CYP7A1: variants seen among roughly 807,000 people sequenced by gnomAD.
CYP7A1 encodes cytochrome P450 family 7 subfamily A member 1.
CYP7A1 carries 28 observed loss-of-function variants against 43.8 expected under a neutral mutation model. That is an observed-to-expected ratio of 0.64 (90% confidence interval 0.47 to 0.88). The LOEUF is 0.88. Among genes scored for constraint, CYP7A1 ranks in the 40% least tolerant of loss-of-function variants. The pLI is 0.00. For synonymous variants in CYP7A1, 227 were observed against 222.5 expected, an observed-to-expected ratio of 1.02 and a Z score of -0.18; for missense variants, 637 against 611.9, an observed-to-expected ratio of 1.04 and a Z score of -0.43.
intron 5 of CYP7A1, 57 bp from the exon 6 acceptor site, chr8:58,491,831 C>A: frequency 7.0e-7 from 1 of 1,421,526 alleles, no homozygotes; most frequent in South Asian, 1.2e-5. Context: ...AAATTTATCT[C>A]TTTCTAAACC....
Position 58,494,635 on chromosome 8 carries a change from T to C in CYP7A1, c.910A>G (p.Asn304Asp). 6.2e-7 allele frequency: 1 copy of C among 1,613,874 alleles called. No individual in the cohort carries two copies. Among genetic ancestry groups the C allele is most frequent in the Non-Finnish European group, 8.5e-7 (1 of 1,179,918 alleles). The part of the protein sequence containing the change: ...TFWSLFQMIR[N>D]PEAMKAATEE... ...GTAGCTGCTTTCATTGCTTCTGGGT[T>C]CCTATTAAAAGGTAAGAGAAAACAT... Residue 304 changes from asparagine (N) to aspartate (D), a missense_variant and splice_region_variant, in exon 4 of 6, where the codon AAC (asparagine) becomes GAC (aspartate). Asn to Asp is a conservative substitution (Grantham distance 23). Coordinates refer to ENST00000301645, the MANE Select transcript of CYP7A1 (RefSeq NM_000780.4).
intron 5 of CYP7A1, 146 bp downstream of exon 5, chr8:58,492,207 C>T: frequency 1.2e-6 from 1 of 816,294 alleles, no homozygotes; most frequent in African/African-American, 1.7e-5. Context: ...TCTAAATTTT[C>T]CAAAATATAT....
chr8:58,494,198 G>A (rs1303638479), intron 4 of CYP7A1, among the ~76,000 whole-genome samples: 1 of 152,036 alleles, frequency 6.6e-6, no homozygotes, highest in Non-Finnish European at 1.5e-5. Context: ...TCAGATTAGT[G>A]GTAAGAGGAA....
Position 58,497,046 on chromosome 8 carries a change from G to C in CYP7A1, c.466C>G (p.Pro156Ala). 6.2e-7 allele frequency: 1 copy of C among 1,607,330 alleles called. No individual in the cohort carries two copies. Among genetic ancestry groups the C allele is most frequent in the Non-Finnish European group, 8.5e-7 (1 of 1,179,974 alleles). Residue 156 changes from proline to alanine, a missense_variant, in exon 3 of 6, where the codon CCA becomes GCA. By Grantham distance (27) the Pro-to-Ala change is conservative. Coordinates refer to ENST00000301645, the MANE Select transcript of CYP7A1 (RefSeq NM_000780.4). ...MENLQRIMRP[P>A]VSSNSKTAAW... ...GCGGTCTTTGAGTTAGAGGAGACTG[G>C]AGGTCTCATGATACGTTGGAGGTTT...
intron 4 of CYP7A1, among the ~76,000 whole-genome samples, chr8:58,493,630 GC>G (rs1297758668): frequency 6.6e-6 from 1 of 152,290 alleles, no homozygotes; most frequent in Admixed American, 6.5e-5. Context: ...TCCCAAGTCA[GC>G]CCCAGCATGG....
At chr8:58,492,328 T>C in intron 5 of CYP7A1, 25 bp downstream of exon 5, 2 of 1,585,904 alleles carry the variant, frequency 1.3e-6, no homozygotes, top group Middle Eastern at 3.3e-4. Flanking sequence ...ACCTGGATAT[T>C]GAATTTCAAT....
chr8:58,498,175 C>A, intron 2 of CYP7A1, 54 bp downstream of exon 2: 4 of 1,601,416 alleles, frequency 2.5e-6, no homozygotes, highest in Non-Finnish European at 3.4e-6. Flanking sequence ...AATAGACAAG[C>A]ACATAAAAAG....
At chr8:58,496,029 C>A (rs972597990) in intron 3 of CYP7A1, among the ~76,000 whole-genome samples, 8 of 152,070 alleles carry the variant, frequency 5.3e-5, no homozygotes, top group Non-Finnish European at 1.0e-4. Context: ...CTGTTACATA[C>A]AGTTTTAAAA....
rs150351766 is a variant in CYP7A1, at chr8:58,498,427, G to A, written c.123C>T (p.Tyr41=). 703 of 1,614,108 alleles carry A rather than the reference G, an allele frequency of 4.4e-4. 4 individuals carry two copies. The Middle Eastern group carries it at 0.011, about 25-fold the overall frequency. The change falls in exon 2 of 6, where the codon TAC becomes TAT. Residue 41 remains tyrosine (Y), a synonymous_variant. Transcript: ENST00000301645. The stretch of plus-strand genomic sequence containing the variant: ...CACCAAATTGCAGAGCACAGCCCAG[G>A]TATGGAATTAATCCATTCTCTAGAG... ...EPPLENGLIP[Y]LGCALQFGAN...
chr8:58,496,229 T>G (rs1375914842), intron 3 of CYP7A1, among the ~76,000 whole-genome samples: 1 of 152,204 alleles, frequency 6.6e-6, no homozygotes, highest in Non-Finnish European at 1.5e-5. Flanking sequence ...TTAAATACAT[T>G]TAATGATTAT....
Position 58,498,238 on chromosome 8 carries a change from A to G in CYP7A1, c.312T>C (p.Thr104=), listed in dbSNP as rs1473595851. 1 of 1,614,152 alleles carries G rather than the reference A, an allele frequency of 6.2e-7. No homozygotes were observed. The highest frequency in any genetic ancestry group is 1.3e-5 in the African/African-American group (1 of 75,080). Residue 104 remains threonine (T), a synonymous_variant, in exon 2 of 6, where the codon ACT becomes ACC. Coordinates refer to ENST00000301645, the MANE Select transcript of CYP7A1 (RefSeq NM_000780.4). Reference sequence around the variant, plus strand: ...ATGTAAAACTGCTTACCTTCGCAGAAGTAGCAAAGTGAAATTTTTTCCAAT... The same window carrying G: ...ATGTAAAACTGCTTACCTTCGCAGAGGTAGCAAAGTGAAATTTTTTCCAAT... The part of the protein sequence containing the change: ...YFDWKKFHFA[T]SAKAFGHRSI...
At position 58,494,583 on chromosome 8, in the gene CYP7A1, T is replaced by G. The variant is rs1476719974; in HGVS notation, c.962A>C (p.Asn321Thr). The change falls in exon 4 of 6, where the codon AAT becomes ACT. Residue 321 changes from asparagine to threonine, a missense_variant. Transcript: ENST00000301645. ...ATEEVKRTLENAGQKVSLEGN... is the reference protein window; with the variant it reads ...ATEEVKRTLETAGQKVSLEGN... Reference sequence around the variant, plus strand: ...TTCCAAGCTGACTTTTTGACCAGCATTCTCTAATGTTCTTTTCACTTCTTC... The same window carrying G: ...TTCCAAGCTGACTTTTTGACCAGCAGTCTCTAATGTTCTTTTCACTTCTTC... 1 of 1,614,016 alleles carries G rather than the reference T, an allele frequency of 6.2e-7. No homozygotes were observed. The highest frequency in any genetic ancestry group is 8.5e-7 in the Non-Finnish European group (1 of 1,180,006).
In CYP7A1 at chr8:58,496,792, C is replaced by T. The variant is rs367814767; in HGVS notation, c.720G>A (p.Glu240=). ...TTTGGAGGTTCTCGTGCCTCAAGCT[C>T]TCTGCCAGTTTCTCCCGGGCATTGT... ...TAHNAREKLA[E]SLRHENLQKR... Residue 240 remains glutamate (E), a synonymous_variant, in exon 3 of 6, where the codon GAG becomes GAA. Transcript: ENST00000301645. 6 of 1,614,212 alleles carry T rather than the reference C, an allele frequency of 3.7e-6. No individual in the cohort carries two copies. The highest frequency in any genetic ancestry group is 5.1e-6 in the Non-Finnish European group (6 of 1,180,050).
In CYP7A1 at chr8:58,496,798, C is replaced by T. The variant is rs1229564107; in HGVS notation, c.714G>A (p.Leu238=). 1 of 1,614,222 alleles carries T rather than the reference C, an allele frequency of 6.2e-7. No homozygotes were observed. The highest frequency in any genetic ancestry group is 2.2e-5 in the East Asian group (1 of 44,884). ...GGTTCTCGTGCCTCAAGCTCTCTGC[C>T]AGTTTCTCCCGGGCATTGTGCGCAG... ...FRTAHNAREK[L]AESLRHENLQ... Residue 238 remains leucine, a synonymous_variant, in exon 3 of 6, where the codon CTG becomes CTA. Transcript: ENST00000301645.
Position 58,500,146 on chromosome 8 carries a change from A to G in CYP7A1, c.-48T>C. 6.9e-7 allele frequency: 1 copy of G among 1,444,244 alleles called. No individual in the cohort carries two copies. Among genetic ancestry groups the G allele is most frequent in the Non-Finnish European group, 9.8e-7 (1 of 1,025,600 alleles). The allele number at this position is 1,444,244 out of a possible 1,614,324, so 89.5% of individuals were successfully genotyped here. Reference sequence around the variant, plus strand: ...TCTGAGGAAGAAAATCTCTGATTAGAAAGGGAAGGATGCCACTGAAAAGAG... The same window carrying G: ...TCTGAGGAAGAAAATCTCTGATTAGGAAGGGAAGGATGCCACTGAAAAGAG... On this transcript the variant is annotated 5_prime_UTR_variant, in exon 1 of 6. Coordinates refer to ENST00000301645, the MANE Select transcript of CYP7A1 (RefSeq NM_000780.4).
chr8:58,494,873 C>T (rs1809414142), intron 3 of CYP7A1, among the ~76,000 whole-genome samples: 1 of 152,070 alleles, frequency 6.6e-6, no homozygotes, highest in Admixed American at 6.5e-5. Context: ...TGGTGGCACA[C>T]GCCTGTAATC....
At chr8:58,499,408 A>G (rs8192872) in intron 1 of CYP7A1, among the ~76,000 whole-genome samples, 16,918 of 152,170 alleles carry the variant, frequency 0.11, 1,277 homozygotes, top group East Asian at 0.35. Context: ...ATCTGACTGT[A>G]TTTGTTTTTC....
rs1255091082 is a variant in CYP7A1, at chr8:58,490,626, A to G, written c.*849T>C. The G allele has an allele frequency of 6.6e-6, 1 of 152,230 alleles. No individual in the cohort carries two copies. Among genetic ancestry groups the G allele is most frequent in the African/African-American group, 2.4e-5 (1 of 41,464 alleles). 9.4% of individuals were successfully genotyped at this position (152,230 alleles called of 1,614,324 possible). ...AATCTCTGAGAAAACTCTTCTCATTAATGTGAATGAAATAAAAATATAGAG... is the reference window on the plus strand; with the variant it reads ...AATCTCTGAGAAAACTCTTCTCATTGATGTGAATGAAATAAAAATATAGAG... On this transcript the variant is annotated 3_prime_UTR_variant, in exon 6 of 6. Transcript: ENST00000301645.
rs1483918446 is a variant in CYP7A1, at chr8:58,490,641, A to C, written c.*834T>G. The stretch of plus-strand genomic sequence containing the variant: ...TCTTCTCATTAATGTGAATGAAATA[A>C]AAATATAGAGAAGATAGTTAAAGCC... On this transcript the variant is annotated 3_prime_UTR_variant, in exon 6 of 6. Coordinates refer to ENST00000301645, the MANE Select transcript of CYP7A1 (RefSeq NM_000780.4). 2.0e-5 allele frequency: 3 copies of C among 152,228 alleles called. No homozygotes were observed. The highest frequency in any genetic ancestry group is 4.4e-5 in the Non-Finnish European group (3 of 68,044). 9.4% of individuals were successfully genotyped at this position (152,228 alleles called of 1,614,324 possible).
Sources: gnomAD v4.1 joint callset for allele counts (sites outside exome capture counted in the v4.1 genomes callset) on GRCh38, gnomAD v4.1.1 for gene constraint, MANE v1.5 for transcripts, NCBI Gene and HGNC (gene_info 2026-07-23, HGNC 2026-07-21) for gene names.